Variants in UNC13C observed in about 807,000 individuals in gnomAD.
UNC13C encodes protein unc-13 homolog C.
UNC13C carries 174 observed loss-of-function variants against 245.4 expected under a neutral mutation model. The observed-to-expected ratio is 0.71, with a 90% confidence interval of 0.63 to 0.80. The LOEUF is 0.80. UNC13C is among the 30% of genes least tolerant of loss of function. The probability of loss-of-function intolerance (pLI) is 0.00; values close to 1 mark genes in which losing one functional copy is unlikely to be tolerated. For missense variants in UNC13C, 2,829 were observed against 2,602.9 expected (o/e 1.09, Z -1.89); for synonymous variants, 992 against 895.1 (o/e 1.11, Z -1.93).
intron 17 of UNC13C, among the ~76,000 whole-genome samples, chr15:54,348,417 A>G (rs2038907745): frequency 6.6e-6 from 1 of 152,160 alleles, no homozygotes; most frequent in Admixed American, 6.5e-5. Flanking sequence ...TGAAAACAGA[A>G]ACTCTATTTA....
At chr15:53,905,924 A>G in the UNC13C span, among the ~76,000 whole-genome samples, 3 of 152,178 alleles carry the variant, frequency 2.0e-5, no homozygotes, top group Non-Finnish European at 4.4e-5. Context: ...TACTAAGCAG[A>G]TTGAAATAAC....
At chr15:54,618,136 A>T (rs544453603) in intron 30 of UNC13C, among the ~76,000 whole-genome samples, 70 of 152,252 alleles carry the variant, frequency 4.6e-4, no homozygotes, top group African/African-American at 1.7e-3. Context: ...TAGGTGAGAG[A>T]TTCCAGTAAG....
chr15:54,121,252 G>T (rs113872341), intron 2 of UNC13C, among the ~76,000 whole-genome samples: 10 of 152,212 alleles, frequency 6.6e-5, no homozygotes, highest in African/African-American at 2.2e-4. Flanking sequence ...ACCCTGATTA[G>T]TCAGCATTCA....
intron 30 of UNC13C, among the ~76,000 whole-genome samples, chr15:54,583,925 C>A (rs1199777490): frequency 6.6e-6 from 1 of 152,230 alleles, no homozygotes; most frequent in Non-Finnish European, 1.5e-5. Flanking sequence ...CACACCCCCA[C>A]GGGAAAGCCC....
chr15:54,274,644 G>A (rs2140906116), intron 10 of UNC13C, among the ~76,000 whole-genome samples: 1 of 141,560 alleles, frequency 7.1e-6, no homozygotes, highest in South Asian at 2.3e-4. Context: ...AAAATGTTAT[G>A]GTTAAAAAGC....
intron 4 of UNC13C, among the ~76,000 whole-genome samples, chr15:54,215,917 T>C (rs113987814): frequency 4.6e-5 from 7 of 152,130 alleles, no homozygotes; most frequent in African/African-American, 1.4e-4. Flanking sequence ...AGAAGATAGA[T>C]GCAGCCATTT....
At chr15:53,937,136 A>G in the UNC13C span, among the ~76,000 whole-genome samples, 6 of 152,228 alleles carry the variant, frequency 3.9e-5, no homozygotes, top group Admixed American at 6.5e-5. Flanking sequence ...AAAAATCATG[A>G]TAAAACAATT....
At chr15:53,989,902 C>T (rs1042580721) in intron 1 of UNC13C, among the ~76,000 whole-genome samples, 3 of 151,998 alleles carry the variant, frequency 2.0e-5, no homozygotes, top group African/African-American at 4.8e-5. Flanking sequence ...CTGACACTGT[C>T]ATGATAAGGA....
chr15:54,447,506 T>C (rs1890885388), intron 19 of UNC13C, among the ~76,000 whole-genome samples: 1 of 152,188 alleles, frequency 6.6e-6, no homozygotes, highest in Non-Finnish European at 1.5e-5. Flanking sequence ...CTTGGGAGGA[T>C]GTATGTGTTG....
chr15:54,316,648 T>C (rs1181902337), intron 13 of UNC13C, among the ~76,000 whole-genome samples: 1 of 151,980 alleles, frequency 6.6e-6, no homozygotes, highest in African/African-American at 2.4e-5. Context: ...GCATCTGCCA[T>C]GTAAGTGTGC....
intron 10 of UNC13C, among the ~76,000 whole-genome samples, chr15:54,278,752 C>T (rs532012218): frequency 6.6e-6 from 1 of 151,950 alleles, no homozygotes; most frequent in Non-Finnish European, 1.5e-5. Flanking sequence ...ATTACACAAT[C>T]GAGCCATGTG....
At chr15:54,099,112 TA>T (rs1205610164) in intron 2 of UNC13C, among the ~76,000 whole-genome samples, 1 of 152,224 alleles carries the variant, frequency 6.6e-6, no homozygotes, top group Non-Finnish European at 1.5e-5. Context: ...CTTGATGAGC[TA>T]GTAAAGTTCT....
chr15:53,992,376 C>A (rs1211915802), intron 1 of UNC13C, among the ~76,000 whole-genome samples: 2 of 152,018 alleles, frequency 1.3e-5, no homozygotes, highest in Admixed American at 6.6e-5. Flanking sequence ...TGACTTTACT[C>A]TAGTTGTTGG....
chr15:54,221,549 T>G (rs2035227149), intron 4 of UNC13C, among the ~76,000 whole-genome samples: 1 of 151,810 alleles, frequency 6.6e-6, no homozygotes, highest in Non-Finnish European at 1.5e-5. Context: ...ATCAAATAAC[T>G]AACTAAATAA....
At chr15:53,996,738 T>C (rs1048578891) in intron 1 of UNC13C, among the ~76,000 whole-genome samples, 4 of 152,098 alleles carry the variant, frequency 2.6e-5, no homozygotes, top group Non-Finnish European at 5.9e-5. Context: ...TTGTGCCTGG[T>C]TTATTTTGCT....
At chr15:54,579,312 T>A (rs1898100769) in intron 30 of UNC13C, among the ~76,000 whole-genome samples, 1 of 152,120 alleles carries the variant, frequency 6.6e-6, no homozygotes, top group Admixed American at 6.5e-5. Flanking sequence ...TATTTTTGAA[T>A]TATAATTTTA....
At chr15:54,416,154 A>C (rs2040517142) in intron 19 of UNC13C, among the ~76,000 whole-genome samples, 2 of 152,216 alleles carry the variant, frequency 1.3e-5, no homozygotes, top group Admixed American at 1.3e-4. Context: ...CTGTGCTGAG[A>C]GAAACAAAGT....
At chr15:54,188,054 G>A (rs1206300999) in intron 4 of UNC13C, among the ~76,000 whole-genome samples, 4 of 152,072 alleles carry the variant, frequency 2.6e-5, no homozygotes, top group African/African-American at 7.2e-5. Flanking sequence ...CTAACCTCAA[G>A]TGAACCACCC....
intron 21 of UNC13C, 89 bp from the exon 22 acceptor site, chr15:54,500,745 GA>G (rs1894170556): frequency 2.0e-6 from 2 of 1,024,758 alleles, no homozygotes; most frequent in Admixed American, 2.2e-5. Context: ...TGTGATACGG[GA>G]GATTCAGTTG....
Sources: gnomAD v4.1 joint callset for allele counts (sites outside exome capture counted in the v4.1 genomes callset) on GRCh38, gnomAD v4.1.1 for gene constraint, MANE v1.5 for transcripts, NCBI Gene and HGNC (gene_info 2026-07-23, HGNC 2026-07-21) for gene names.